The following LNX1 variants were observed in gnomAD, a reference collection of about 807,000 sequenced individuals.
LNX1 encodes the protein ligand of numb-protein X 1.
Under a neutral mutation model 68.4 loss-of-function variants are expected in LNX1, and 54 were observed. The ratio of observed to expected loss-of-function variants is 0.79; its 90% CI spans 0.63 to 0.99. The LOEUF is 0.99. LNX1 is among the 50% of genes least tolerant of loss of function. LNX1 has a pLI of 0.00. For synonymous variants in LNX1, 336 were observed against 350.0 expected (o/e 0.96, Z 0.45); for missense variants, 906 against 926.4 (o/e 0.98, Z 0.29).
intron 1 of LNX1, among the ~76,000 whole-genome samples, chr4:53,576,931 C>T (rs1731526652): frequency 6.6e-6 from 1 of 152,246 alleles, no homozygotes; most frequent in Admixed American, 6.5e-5. Flanking sequence ...CATTTCTGTA[C>T]TGCAGTAATA....
At chr4:53,614,815 CT>C (rs1343492398) in intron 2 of LNX1, among the ~76,000 whole-genome samples, 3 of 151,910 alleles carry the variant, frequency 2.0e-5, no homozygotes, top group Non-Finnish European at 4.4e-5. Flanking sequence ...CTTCAGCCTC[CT>C]GGTCATGGAG....
intron 4 of LNX1, chr4:53,501,943 C>T (rs1254238005): frequency 7.2e-5 from 11 of 152,252 alleles, no homozygotes; most frequent in African/African-American, 1.7e-4. Context: ...AACACGGCTC[C>T]AATCCTGCAA....
chr4:53,522,118 G>A (rs1727269366), intron 2 of LNX1, among the ~76,000 whole-genome samples: 1 of 152,212 alleles, frequency 6.6e-6, no homozygotes, highest in South Asian at 2.1e-4. Flanking sequence ...TTGTTTGGCA[G>A]ACGAGGCTTC....
chr4:53,627,174 G>A (rs1249260046), intron 1 of LNX1, among the ~76,000 whole-genome samples: 3 of 152,346 alleles, frequency 2.0e-5, no homozygotes, highest in Admixed American at 2.0e-4. Context: ...GTTTCAGGGA[G>A]AAGGAAAGCG....
At position 53,560,855 on chromosome 4, in the gene LNX1, C is replaced by T. The variant is rs182954017; in HGVS notation, c.380+12768G>A. ...CCAATATAACACAATTTTCCATTACCTGCCATCTGATGTAATCCTAATTAA... is the reference window on the plus strand; with the variant it reads ...CCAATATAACACAATTTTCCATTACTTGCCATCTGATGTAATCCTAATTAA... On this transcript the variant is annotated intron_variant, in intron 2 of 10. Transcript: ENST00000263925. Among the ~76,000 whole-genome samples, 88 of 152,322 alleles carry T rather than the reference C, an allele frequency of 5.8e-4. 1 individual carries two copies. The East Asian group carries it at 0.017, about 29-fold the overall frequency.
upstream of LNX1, among the ~76,000 whole-genome samples, chr4:53,595,321 T>C (rs979887641): frequency 1.3e-5 from 2 of 152,194 alleles, no homozygotes; most frequent in African/African-American, 2.4e-5. Flanking sequence ...TTGCTAAATT[T>C]AGATGGGCTG....
intron 2 of LNX1, among the ~76,000 whole-genome samples, chr4:53,551,507 A>T (rs2117600): frequency 3.3e-5 from 5 of 151,884 alleles, no homozygotes; most frequent in Non-Finnish European, 5.9e-5. Flanking sequence ...TGAATCCTCA[A>T]CTGATAAGGA....
At chr4:53,533,552 T>TCA (rs778613654) in intron 2 of LNX1, among the ~76,000 whole-genome samples, 124 of 152,250 alleles carry the variant, frequency 8.1e-4, no homozygotes, top group Non-Finnish European at 1.3e-3. Flanking sequence ...GCACATGCCA[T>TCA]CACACCTGGC....
chr4:53,597,326 T>A (rs1732797092), intron 2 of LNX1, among the ~76,000 whole-genome samples: 1 of 152,188 alleles, frequency 6.6e-6, no homozygotes, highest in East Asian at 1.9e-4. Context: ...CTGTGAGGCT[T>A]TTTATGATCT....
chr4:53,512,807 G>A (rs1301612700), intron 2 of LNX1, among the ~76,000 whole-genome samples: 1 of 152,142 alleles, frequency 6.6e-6, no homozygotes, highest in African/African-American at 2.4e-5. Flanking sequence ...TCTACTGAAT[G>A]GGATGAGTGA....
At chr4:53,530,335 G>C (rs1016369239) in intron 2 of LNX1, among the ~76,000 whole-genome samples, 2 of 151,952 alleles carry the variant, frequency 1.3e-5, no homozygotes, top group African/African-American at 4.8e-5. Flanking sequence ...GTATACAAAA[G>C]TCACCCAAAA....
intron 2 of LNX1, among the ~76,000 whole-genome samples, chr4:53,545,079 T>C (rs1385996120): frequency 1.3e-5 from 2 of 152,234 alleles, no homozygotes; most frequent in Non-Finnish European, 2.9e-5. Context: ...CCAGATGAGT[T>C]TGCAATAAGA....
rs553522785 is a variant in LNX1, at chr4:53,548,426, T to C, written c.380+25197A>G. On this transcript the variant is annotated intron_variant, in intron 2 of 10. Transcript: ENST00000263925. ...ATGTAGTAGTATATGTATATAATTT[T>C]ATATAGATAACTATACATAAGACAA... Among the ~76,000 whole-genome samples, 46 of 152,350 alleles carry C rather than the reference T, an allele frequency of 3.0e-4. 1 individual carries two copies. In the South Asian group the frequency reaches 8.9e-3, roughly 29 times the overall value.
At chr4:53,485,249 G>A (rs1240283196) in intron 6 of LNX1, among the ~76,000 whole-genome samples, 1 of 152,212 alleles carries the variant, frequency 6.6e-6, no homozygotes, top group African/African-American at 2.4e-5. Flanking sequence ...GCTCGAATTT[G>A]CTCTCTTTGG....
At chr4:53,470,051 G>T (rs933104053) in intron 9 of LNX1, among the ~76,000 whole-genome samples, 14 of 152,096 alleles carry the variant, frequency 9.2e-5, no homozygotes, top group Non-Finnish European at 1.3e-4. Flanking sequence ...AAGAGAATTT[G>T]AGACCAATAT....
At chr4:53,634,802 C>A (rs1196905048) in intron 1 of LNX1, among the ~76,000 whole-genome samples, 1 of 151,448 alleles carries the variant, frequency 6.6e-6, no homozygotes, top group Non-Finnish European at 1.5e-5. Flanking sequence ...TGGGAAGTAG[C>A]CCTCTCTGTT....
chr4:53,511,349 G>T (rs1017587289), intron 2 of LNX1, among the ~76,000 whole-genome samples: 45 of 152,196 alleles, frequency 3.0e-4, no homozygotes, highest in Admixed American at 2.6e-3. Flanking sequence ...GAGCTGATTA[G>T]CATTGGCCAG....
At chr4:53,485,991 CA>C (rs1228336174) in intron 6 of LNX1, among the ~76,000 whole-genome samples, 1 of 152,086 alleles carries the variant, frequency 6.6e-6, no homozygotes. Flanking sequence ...GCAATTTGGG[CA>C]AAAGGATGGT....
chr4:53,569,461 TG>T (rs1730972343), intron 2 of LNX1, among the ~76,000 whole-genome samples: 1 of 127,418 alleles, frequency 7.8e-6, no homozygotes, highest in Non-Finnish European at 1.6e-5. Context: ...GCTAGCCATA[TG>T]TAGAAAGCTG....
Sources: gnomAD v4.1 joint callset for allele counts (sites outside exome capture counted in the v4.1 genomes callset) on GRCh38, gnomAD v4.1.1 for gene constraint, MANE v1.5 for transcripts, NCBI Gene and HGNC (gene_info 2026-07-23, HGNC 2026-07-21) for gene names.